Variants in PCGF5 observed in about 807,000 individuals in gnomAD.
PCGF5 encodes the protein polycomb group RING finger protein 5.
PCGF5 carries 9 observed loss-of-function variants against 44.3 expected under a neutral mutation model. That is an observed-to-expected ratio of 0.20 (90% CI 0.12 to 0.35). The LOEUF (loss-of-function observed/expected upper bound fraction) is 0.35, where lower values mean the gene tolerates loss of function less well. PCGF5 is among the 10% of genes least tolerant of loss of function. PCGF5 has a pLI of 1.00. For missense variants in PCGF5, 146 were observed against 305.3 expected (o/e 0.48, Z 3.89); for synonymous variants, 95 against 102.5 (o/e 0.93, Z 0.44).
chr10:91,254,180 T>C (rs1213905069), intron 6 of PCGF5, among the ~76,000 whole-genome samples: 1 of 150,056 alleles, frequency 6.7e-6, no homozygotes, highest in South Asian at 2.1e-4. Flanking sequence ...TCGTTCTCTC[T>C]CTCTGTCTCT....
At chr10:91,164,073 A>G (rs2133152612) in intron 1 of PCGF5, among the ~76,000 whole-genome samples, 1 of 152,352 alleles carries the variant, frequency 6.6e-6, no homozygotes, top group Admixed American at 6.5e-5. Flanking sequence ...TGAATGAATC[A>G]TCGCCCCGCG....
Position 91,271,716 on chromosome 10 carries a change from T to G in PCGF5, c.723+19T>G. ...GTATCAGGTAAGAGGCACTCACGAC[T>G]GTACATATGACCATCATGACACCAT... On this transcript the variant is annotated intron_variant, in intron 9 of 9. Coordinates refer to ENST00000336126, the MANE Select transcript of PCGF5 (RefSeq NM_032373.5). The G allele has an allele frequency of 1.2e-6, 2 of 1,601,584 alleles. No homozygotes were observed. Among genetic ancestry groups the G allele is most frequent in the Non-Finnish European group, 1.7e-6 (2 of 1,168,730 alleles).
chr10:91,235,262 T>C (rs112362937), intron 2 of PCGF5, among the ~76,000 whole-genome samples: 196 of 152,324 alleles, frequency 1.3e-3, no homozygotes, highest in African/African-American at 4.5e-3. Context: ...TTAGTGATCA[T>C]GATGCCCATT....
chr10:91,186,689 G>T (rs12244087), intron 1 of PCGF5, among the ~76,000 whole-genome samples: 15 of 151,546 alleles, frequency 9.9e-5, no homozygotes, highest in African/African-American at 2.9e-4. Flanking sequence ...GTTCCATCCC[G>T]GGCCTCCCTA....
intron 1 of PCGF5, among the ~76,000 whole-genome samples, chr10:91,188,788 TG>T (rs1341984224): frequency 1.3e-5 from 2 of 152,204 alleles, no homozygotes; most frequent in African/African-American, 4.8e-5. Flanking sequence ...GAGTGTCATT[TG>T]GAGCCTGTTG....
intron 2 of PCGF5, among the ~76,000 whole-genome samples, chr10:91,238,761 C>T (rs1845247469): frequency 6.6e-6 from 1 of 151,764 alleles, no homozygotes; most frequent in South Asian, 2.1e-4. Context: ...TCCTCTCTTC[C>T]CAAAGATTAT....
intron 3 of PCGF5, among the ~76,000 whole-genome samples, chr10:91,247,166 A>G (rs1845488592): frequency 6.6e-6 from 1 of 152,066 alleles, no homozygotes; most frequent in Admixed American, 6.6e-5. Flanking sequence ...TTAGTAATAA[A>G]GAAAGAACAG....
chr10:91,164,220 G>T, intron 1 of PCGF5, among the ~76,000 whole-genome samples: 1 of 152,162 alleles, frequency 6.6e-6, no homozygotes, highest in East Asian at 1.9e-4. Flanking sequence ...AGGACAGCGG[G>T]GTCCCCCCCT....
At chr10:91,231,817 A>G (rs1326515646) in intron 2 of PCGF5, among the ~76,000 whole-genome samples, 12 of 152,212 alleles carry the variant, frequency 7.9e-5, no homozygotes, top group African/African-American at 2.9e-4. Flanking sequence ...CAGGCAGGAG[A>G]TGGTAATGGC....
At chr10:91,277,578 C>G (rs930571192) in intron 9 of PCGF5, among the ~76,000 whole-genome samples, 1 of 152,142 alleles carries the variant, frequency 6.6e-6, no homozygotes, top group Non-Finnish European at 1.5e-5. Context: ...TATATGATAC[C>G]TTTTCTACAT....
chr10:91,274,631 T>A (rs569667693), intron 9 of PCGF5, among the ~76,000 whole-genome samples: 45 of 152,262 alleles, frequency 3.0e-4, no homozygotes, highest in Middle Eastern at 3.4e-3. Flanking sequence ...AAATTTATAG[T>A]GTTAGAAGAA....
chr10:91,170,950 G>A (rs890401311), intron 1 of PCGF5, among the ~76,000 whole-genome samples: 1 of 152,210 alleles, frequency 6.6e-6, no homozygotes, highest in Non-Finnish European at 1.5e-5. Context: ...AAGACATGGA[G>A]GAAGCTTAAA....
upstream of PCGF5, among the ~76,000 whole-genome samples, chr10:91,219,822 C>T (rs1227541069): frequency 6.6e-6 from 1 of 152,098 alleles, no homozygotes; most frequent in Non-Finnish European, 1.5e-5. Flanking sequence ...TCTTTGAACA[C>T]TTGTATGGCT....
chr10:91,194,131 A>G (rs1262686920), intron 1 of PCGF5, among the ~76,000 whole-genome samples: 1 of 152,158 alleles, frequency 6.6e-6, no homozygotes, highest in Non-Finnish European at 1.5e-5. Context: ...TTAAAGATGC[A>G]GAGTGTGGTA....
chr10:91,222,012 C>T (rs1279574869), intron 1 of PCGF5, among the ~76,000 whole-genome samples: 1 of 151,994 alleles, frequency 6.6e-6, no homozygotes, highest in African/African-American at 2.4e-5. Context: ...GCAGAGGAGA[C>T]GGTGGGAGAG....
intron 1 of PCGF5, among the ~76,000 whole-genome samples, chr10:91,221,237 G>A (rs551779154): frequency 6.6e-6 from 1 of 152,162 alleles, no homozygotes; most frequent in South Asian, 2.1e-4. Context: ...TCCCTTAACT[G>A]TCTTGGTCAC....
chr10:91,226,525 C>T (rs148281018), intron 2 of PCGF5, among the ~76,000 whole-genome samples: 20 of 152,258 alleles, frequency 1.3e-4, no homozygotes, highest in Non-Finnish European at 2.4e-4. Context: ...GTAGCTCTCT[C>T]TGCTTTGATA....
At chr10:91,188,898 G>A (rs559312596) in intron 1 of PCGF5, among the ~76,000 whole-genome samples, 1 of 152,298 alleles carries the variant, frequency 6.6e-6, no homozygotes, top group Non-Finnish European at 1.5e-5. Context: ...AAGAAATATT[G>A]GAGGCTTGAA....
chr10:91,271,773 C>T, intron 9 of PCGF5, 76 bp downstream of exon 9: 1 of 1,253,974 alleles, frequency 8.0e-7, no homozygotes. Context: ...AAACTCAATT[C>T]CTAAGACATT....
Sources: allele counts gnomAD v4.1 joint callset (sites outside exome capture counted in the v4.1 genomes callset), GRCh38; gene constraint gnomAD v4.1.1; transcripts MANE v1.5; gene names NCBI Gene and HGNC (gene_info 2026-07-23, HGNC 2026-07-21).